BIN3: variants seen among roughly 807,000 people sequenced by gnomAD.
The protein encoded by BIN3 is bridging integrator 3.
In BIN3, 41 loss-of-function variants were observed where a neutral mutation model predicts 38.2. The ratio of observed to expected loss-of-function variants is 1.07; its 90% CI spans 0.84 to 1.39. BIN3 has a LOEUF of 1.39. Ranked by LOEUF, BIN3 falls within the 40% of genes most tolerant of loss-of-function variation. The pLI is 0.00. For synonymous variants in BIN3, 145 were observed against 122.6 expected (o/e 1.18, Z -1.21); for missense variants, 361 against 324.3 (o/e 1.11, Z -0.87).
intron 1 of BIN3, among the ~76,000 whole-genome samples, chr8:22,651,453 T>C (rs1375967967): frequency 6.6e-6 from 1 of 152,218 alleles, no homozygotes; most frequent in Non-Finnish European, 1.5e-5. Flanking sequence ...TTTCATGATT[T>C]TTCCCTGATC....
intron 6 of BIN3, chr8:22,624,753 G>A (rs1585176401): frequency 9.2e-6 from 2 of 216,844 alleles, no homozygotes; most frequent in East Asian, 2.4e-4. Context: ...ACGGACTAGG[G>A]GATGGTGGGG....
At chr8:22,665,708 C>T (rs1240647934) in intron 1 of BIN3, among the ~76,000 whole-genome samples, 1 of 152,184 alleles carries the variant, frequency 6.6e-6, no homozygotes, top group Non-Finnish European at 1.5e-5. Context: ...AGATGGACAG[C>T]CAGGCCCAGA....
intron 6 of BIN3, among the ~76,000 whole-genome samples, chr8:22,627,438 T>C (rs1018211460): frequency 1.1e-4 from 17 of 152,286 alleles, no homozygotes; most frequent in Middle Eastern, 6.8e-3. Flanking sequence ...ACAGTGGATG[T>C]GCCACGGTGC....
At chr8:22,636,898 C>G (rs757709742) in intron 3 of BIN3, 24 bp downstream of exon 3, 112 of 1,609,514 alleles carry the variant, frequency 7.0e-5, no homozygotes, top group Non-Finnish European at 9.0e-5. Flanking sequence ...CCTCCCACCT[C>G]ATCTTTCTGG....
intron 6 of BIN3, chr8:22,625,020 G>A: frequency 5.3e-6 from 2 of 374,694 alleles, no homozygotes; most frequent in Non-Finnish European, 9.7e-6. Flanking sequence ...CAACATGAAA[G>A]CAGCAGAAAT....
At chr8:22,637,178 G>C (rs1009457191) in intron 2 of BIN3, among the ~76,000 whole-genome samples, 24 of 152,216 alleles carry the variant, frequency 1.6e-4, no homozygotes, top group African/African-American at 5.8e-4. Context: ...CCCTCCCAGA[G>C]GGTCCAGCCA....
At chr8:22,658,851 T>C (rs928036206) in intron 1 of BIN3, among the ~76,000 whole-genome samples, 6 of 152,044 alleles carry the variant, frequency 3.9e-5, no homozygotes, top group African/African-American at 9.7e-5. Context: ...TGGTGGTTGA[T>C]AGTGGCTGAA....
At chr8:22,651,344 G>A (rs1802882906) in intron 1 of BIN3, among the ~76,000 whole-genome samples, 1 of 152,186 alleles carries the variant, frequency 6.6e-6, no homozygotes, top group Non-Finnish European at 1.5e-5. Flanking sequence ...TGCAACTGCT[G>A]CCTCGCTCCA....
At chr8:22,666,437 A>G (rs954782474) in intron 1 of BIN3, among the ~76,000 whole-genome samples, 12 of 151,714 alleles carry the variant, frequency 7.9e-5, no homozygotes, top group Non-Finnish European at 4.4e-5. Context: ...AAAGAGAGCG[A>G]GAGAGAGAGA....
chr8:22,665,088 A>C (rs1315509498), intron 1 of BIN3, among the ~76,000 whole-genome samples: 1 of 152,228 alleles, frequency 6.6e-6, no homozygotes, highest in African/African-American at 2.4e-5. Context: ...AGAAGGATGC[A>C]GAAGTGCTAC....
chr8:22,644,537 T>C (rs976390586), intron 2 of BIN3: 1 of 536,652 alleles, frequency 1.9e-6, no homozygotes, highest in African/African-American at 1.9e-5. Flanking sequence ...CCAAGGATGA[T>C]AAAGAGCCCA....
In BIN3 at chr8:22,649,812, AACACACAC is replaced by A. The variant is rs571224082; in HGVS notation, c.9-5017_9-5010del. ...GAAGAGATAGAAAAACGCAAAGGAC[AACACACAC>A]ACACACACACACACACACACACACA... On this transcript the variant is annotated intron_variant, in intron 1 of 8. Transcript: ENST00000276416. 6.4e-3 allele frequency among the ~76,000 whole-genome samples: 570 copies of A among 89,244 alleles called. 2 individuals are homozygous for A. The highest frequency in any genetic ancestry group is 0.011 in the Non-Finnish European group (419 of 38,580). The allele number at this position is 89,244 out of a possible 152,430, so 58.5% of individuals were successfully genotyped here. A position where few individuals can be genotyped will look rare whatever the true frequency, so the allele number is the denominator to read the frequency against.
chr8:22,623,820 C>T (rs943188692), intron 8 of BIN3, 95 bp downstream of exon 8: 41 of 1,449,160 alleles, frequency 2.8e-5, no homozygotes, highest in Admixed American at 2.6e-4. Flanking sequence ...CCTGTCTTTA[C>T]GGAGAATGGC....
chr8:22,625,701 C>T, intron 6 of BIN3: 3 of 325,404 alleles, frequency 9.2e-6, no homozygotes, highest in Non-Finnish European at 1.8e-5. Flanking sequence ...AATTCTCATG[C>T]CTCAGCCTCC....
chr8:22,640,711 TCCC>T (rs1340747556), intron 2 of BIN3, among the ~76,000 whole-genome samples: 1 of 151,884 alleles, frequency 6.6e-6, no homozygotes, highest in Admixed American at 6.6e-5. Flanking sequence ...CCTTTTGCAA[TCCC>T]CCAAGTGTGC....
chr8:22,655,709 T>G (rs1036735978), intron 1 of BIN3, among the ~76,000 whole-genome samples: 2 of 152,222 alleles, frequency 1.3e-5, no homozygotes. Context: ...TTCTCCAGCT[T>G]TGTTCTTTGT....
At chr8:22,634,393 C>A in intron 4 of BIN3, 3 of 439,978 alleles carry the variant, frequency 6.8e-6, no homozygotes, top group South Asian at 4.9e-5. Flanking sequence ...ACAGTCCCTG[C>A]ACAGGCAGTC....
intron 6 of BIN3, among the ~76,000 whole-genome samples, chr8:22,627,279 C>A (rs2117507247): frequency 6.6e-6 from 1 of 152,320 alleles, no homozygotes; most frequent in Admixed American, 6.5e-5. Flanking sequence ...TCAGTCAGGG[C>A]AGGGCGCAGC....
At chr8:22,624,546 G>C (rs1018173986) in intron 6 of BIN3, 183 bp from the exon 7 acceptor site, 2 of 689,734 alleles carry the variant, frequency 2.9e-6, no homozygotes, top group African/African-American at 3.6e-5. Flanking sequence ...CCCTGCTCTA[G>C]GTCTTGGGGA....
Sources: allele counts gnomAD v4.1 joint callset (sites outside exome capture counted in the v4.1 genomes callset), GRCh38; gene constraint gnomAD v4.1.1; transcripts MANE v1.5; gene names NCBI Gene and HGNC (gene_info 2026-07-23, HGNC 2026-07-21).